ARHGAP18: variants seen among roughly 807,000 people sequenced by gnomAD.
ARHGAP18 encodes rho GTPase-activating protein 18.
A neutral mutation model predicts 86.2 loss-of-function variants in ARHGAP18; 67 were observed. The ratio of observed to expected loss-of-function variants is 0.78; its 90% CI spans 0.64 to 0.95. The LOEUF (loss-of-function observed/expected upper bound fraction) is 0.95, where lower values mean the gene tolerates loss of function less well. ARHGAP18 is among the 40% of genes least tolerant of loss of function. ARHGAP18 has a pLI of 0.00. For missense variants in ARHGAP18, 691 were observed against 780.4 expected, an observed-to-expected ratio of 0.89 and a Z score of 1.37; for synonymous variants, 283 against 280.4, an observed-to-expected ratio of 1.01 and a Z score of -0.09.
At chr6:129,619,017 G>A (rs1426402088) in intron 5 of ARHGAP18, among the ~76,000 whole-genome samples, 165 bp from the exon 6 acceptor site, 2 of 151,432 alleles carry the variant, frequency 1.3e-5, no homozygotes, top group Non-Finnish European at 2.9e-5. Flanking sequence ...TCATGATGAC[G>A]ACCCCTAAAG....
intron 1 of ARHGAP18, among the ~76,000 whole-genome samples, chr6:129,645,596 GGA>G (rs1773562251): frequency 6.6e-6 from 1 of 152,110 alleles, no homozygotes; most frequent in Non-Finnish European, 1.5e-5. Flanking sequence ...ATCGTGCCAT[GGA>G]TATGCTTCAG....
intron 10 of ARHGAP18, among the ~76,000 whole-genome samples, chr6:129,604,406 T>G (rs1788811232): frequency 6.6e-6 from 1 of 152,148 alleles, no homozygotes; most frequent in Non-Finnish European, 1.5e-5. Context: ...CTACAACTAC[T>G]TGAACTCATT....
chr6:129,589,558 C>T (rs1788469051), intron 12 of ARHGAP18, among the ~76,000 whole-genome samples: 1 of 152,160 alleles, frequency 6.6e-6, no homozygotes, highest in Non-Finnish European at 1.5e-5. Context: ...CTGAGTCCTC[C>T]AAGTCTCTAG....
In ARHGAP18 at chr6:129,578,364, C is replaced by T; in HGVS notation, c.*149G>A. ...ATATAATTCTGGCAGCAGCACAAAT[C>T]TATGACTTTTTAAGGCTTAAGAGAG... On this transcript the variant is annotated 3_prime_UTR_variant, in exon 15 of 15. Transcript: ENST00000368149. 2.5e-6 allele frequency: 1 copy of T among 399,060 alleles called. No homozygotes were observed. The highest frequency in any genetic ancestry group is 4.3e-6 in the Non-Finnish European group (1 of 230,300). The allele number at this position is 399,060 out of a possible 1,614,324, so 24.7% of individuals were successfully genotyped here.
intron 3 of ARHGAP18, among the ~76,000 whole-genome samples, chr6:129,634,756 G>A (rs1773296036): frequency 6.6e-6 from 1 of 152,150 alleles, no homozygotes; most frequent in Non-Finnish European, 1.5e-5. Flanking sequence ...TTGCACAACT[G>A]TGAGTATGCT....
intron 5 of ARHGAP18, among the ~76,000 whole-genome samples, chr6:129,624,393 G>A (rs764380229): frequency 2.6e-5 from 4 of 151,984 alleles, no homozygotes; most frequent in African/African-American, 4.8e-5. Flanking sequence ...AGCCAGGCAT[G>A]GTGGCATGTG....
chr6:129,707,668 G>C (rs1201951185), intron 1 of ARHGAP18, among the ~76,000 whole-genome samples: 1 of 71,900 alleles, frequency 1.4e-5, no homozygotes, highest in Non-Finnish European at 3.0e-5. Flanking sequence ...TTTTTTTTTT[G>C]TATTTTTGGT....
At chr6:129,614,562 A>T (rs983513132) in intron 7 of ARHGAP18, among the ~76,000 whole-genome samples, 1 of 152,146 alleles carries the variant, frequency 6.6e-6, no homozygotes, top group Non-Finnish European at 1.5e-5. Flanking sequence ...AGAAAATGAC[A>T]AAGGAAGATT....
At chr6:129,626,843 A>G (rs1164546289) in intron 5 of ARHGAP18, among the ~76,000 whole-genome samples, 1 of 152,162 alleles carries the variant, frequency 6.6e-6, no homozygotes, top group Non-Finnish European at 1.5e-5. Flanking sequence ...TAAATATATC[A>G]TCTGCCATTT....
intron 1 of ARHGAP18, among the ~76,000 whole-genome samples, chr6:129,686,922 T>G (rs1288904610): frequency 6.6e-6 from 1 of 151,124 alleles, no homozygotes; most frequent in Non-Finnish European, 1.5e-5. Flanking sequence ...TCCGGAGTAG[T>G]TGGGATTACA....
intron 9 of ARHGAP18, 50 bp from the exon 10 acceptor site, chr6:129,606,009 CCTTTA>C (rs763634388): frequency 3.0e-4 from 459 of 1,549,318 alleles, no homozygotes; most frequent in East Asian, 4.1e-4. Context: ...TGAACATTTT[CCTTTA>C]CTTTATTTTT....
intron 12 of ARHGAP18, 75 bp from the exon 13 acceptor site, chr6:129,584,187 A>G: frequency 6.4e-7 from 1 of 1,569,328 alleles, no homozygotes; most frequent in Non-Finnish European, 8.7e-7. Context: ...ATTATATAGT[A>G]AGTGTGCTTA....
intron 8 of ARHGAP18, among the ~76,000 whole-genome samples, chr6:129,610,060 T>C (rs1182012492): frequency 6.6e-6 from 1 of 152,234 alleles, no homozygotes; most frequent in Non-Finnish European, 1.5e-5. Context: ...AGAGATTCTC[T>C]CTCTTTTCTC....
At chr6:129,655,456 T>C (rs909637407) in intron 1 of ARHGAP18, among the ~76,000 whole-genome samples, 3 of 152,122 alleles carry the variant, frequency 2.0e-5, no homozygotes, top group African/African-American at 7.2e-5. Flanking sequence ...GTATTTATGC[T>C]GTATCACAGC....
At chr6:129,650,038 G>A (rs975363420) in intron 1 of ARHGAP18, among the ~76,000 whole-genome samples, 14 of 150,344 alleles carry the variant, frequency 9.3e-5, no homozygotes, top group South Asian at 4.2e-4. Context: ...TCAGTCTCCC[G>A]AGTAGCTGGG....
chr6:129,624,982 ATATATAT>A (rs1321141724), intron 5 of ARHGAP18, among the ~76,000 whole-genome samples: 86 of 109,294 alleles, frequency 7.9e-4, no homozygotes, highest in Middle Eastern at 4.4e-3. Context: ...TTTATATATA[ATATATAT>A]TATATATGAT....
intron 14 of ARHGAP18, 74 bp downstream of exon 14, chr6:129,579,996 C>A: frequency 7.9e-7 from 1 of 1,270,372 alleles, no homozygotes. Context: ...TGTTCTTCCT[C>A]CAAAGACATA....
At chr6:129,590,202 G>A (rs776729320) in intron 12 of ARHGAP18, among the ~76,000 whole-genome samples, 1 of 152,106 alleles carries the variant, frequency 6.6e-6, no homozygotes, top group Non-Finnish European at 1.5e-5. Context: ...ATCCAATCAA[G>A]TTGACCCTCA....
intron 1 of ARHGAP18, among the ~76,000 whole-genome samples, chr6:129,688,109 C>G (rs1774463314): frequency 6.6e-6 from 1 of 152,200 alleles, no homozygotes; most frequent in Non-Finnish European, 1.5e-5. Flanking sequence ...ACCTTTAAGA[C>G]TTTCCACAAA....
Sources: gnomAD v4.1 joint callset for allele counts (sites outside exome capture counted in the v4.1 genomes callset) on GRCh38, gnomAD v4.1.1 for gene constraint, MANE v1.5 for transcripts, NCBI Gene and HGNC (gene_info 2026-07-23, HGNC 2026-07-21) for gene names.